Variants in PTPRZ1 observed in about 807,000 individuals in gnomAD.
PTPRZ1 encodes the protein protein tyrosine phosphatase receptor type Z1, also known as receptor-type tyrosine-protein phosphatase zeta.
A neutral mutation model predicts 214.1 loss-of-function variants in PTPRZ1; 82 were observed. The observed-to-expected ratio is 0.38, with a 90% CI of 0.32 to 0.46. The LOEUF is 0.46. PTPRZ1 is among the 20% of genes least tolerant of loss of function. PTPRZ1 has a pLI of 1.00. For synonymous variants in PTPRZ1, 945 were observed against 987.9 expected, an observed-to-expected ratio of 0.96 and a Z score of 0.81; for missense variants, 2,603 against 2,748.7, an observed-to-expected ratio of 0.95 and a Z score of 1.19.
At chr7:121,874,823 A>G (rs3801380) in intron 1 of PTPRZ1, among the ~76,000 whole-genome samples, 20,217 of 152,182 alleles carry the variant, frequency 0.13, 1,671 homozygotes, top group East Asian at 0.3. Context: ...AAAACCTTAT[A>G]GTCAGTTCTG....
intron 1 of PTPRZ1, among the ~76,000 whole-genome samples, chr7:121,900,245 G>T (rs1271059954): frequency 6.6e-6 from 1 of 152,146 alleles, no homozygotes; most frequent in Non-Finnish European, 1.5e-5. Context: ...ACGTGAACAA[G>T]GATCAAAGCC....
intron 12 of PTPRZ1, among the ~76,000 whole-genome samples, chr7:122,016,038 C>A (rs563956901): frequency 6.6e-6 from 1 of 151,978 alleles, no homozygotes; most frequent in South Asian, 2.1e-4. Context: ...TTCTAGAATG[C>A]AGAACAATTT....
In PTPRZ1 at chr7:122,061,116, C is replaced by A. The variant is rs746943265; in HGVS notation, c.6844C>A (p.Leu2282Ile). 6.2e-7 allele frequency: 1 copy of A among 1,611,134 alleles called. No homozygotes were observed. Among genetic ancestry groups the A allele is most frequent in the Admixed American group, 1.7e-5 (1 of 59,846 alleles). Residue 2282 changes from leucine (L) to isoleucine (I), a missense_variant, in exon 30 of 30, where the codon CTT (leucine) becomes ATT (isoleucine). Physicochemically the swap from Leu to Ile is conservative, Grantham distance 5 (BLOSUM62 2). Transcript: ENST00000393386. ...YQFLYKVILSLVSTRQEENPS... is the reference protein window; with the variant it reads ...YQFLYKVILSIVSTRQEENPS... The stretch of plus-strand genomic sequence containing the variant: ...GTTTCTCTACAAAGTGATCCTCAGC[C>A]TTGTGAGCACAAGGCAGGAAGAGAA...
At chr7:121,985,947 T>C (rs1797752796) in intron 8 of PTPRZ1, among the ~76,000 whole-genome samples, 2 of 152,236 alleles carry the variant, frequency 1.3e-5, no homozygotes, top group African/African-American at 4.8e-5. Context: ...AGTAAAGCTC[T>C]CTTTCACTAA....
At chr7:121,954,346 A>G (rs768870874) in intron 2 of PTPRZ1, among the ~76,000 whole-genome samples, 1 of 151,852 alleles carries the variant, frequency 6.6e-6, no homozygotes, top group Non-Finnish European at 1.5e-5. Context: ...CAGCCCCTCC[A>G]CTCACTGCCT....
At chr7:122,042,804 G>C in intron 22 of PTPRZ1, 61 bp downstream of exon 22, 1 of 1,532,582 alleles carries the variant, frequency 6.5e-7, no homozygotes, top group Non-Finnish European at 9.0e-7. Context: ...CTAAAATGTA[G>C]GTGTATTCAT....
At chr7:121,996,325 T>C (rs1207530514) in intron 8 of PTPRZ1, 57 bp from the exon 9 acceptor site, 1 of 1,246,908 alleles carries the variant, frequency 8.0e-7, no homozygotes, top group South Asian at 1.8e-5. Flanking sequence ...TATGTTTTAT[T>C]TATTCAAGTC....
intron 24 of PTPRZ1, 140 bp from the exon 25 acceptor site, chr7:122,051,726 A>G: frequency 3.4e-6 from 3 of 893,698 alleles, no homozygotes; most frequent in Non-Finnish European, 5.2e-6. Context: ...ATTAGCTTAC[A>G]GATCAGAGAC....
At chr7:121,981,647 T>C (rs1270189847) in intron 6 of PTPRZ1, among the ~76,000 whole-genome samples, 2 of 152,194 alleles carry the variant, frequency 1.3e-5, no homozygotes, top group African/African-American at 4.8e-5. Flanking sequence ...AGGAGACAGA[T>C]ATATTTGGAT....
intron 2 of PTPRZ1, among the ~76,000 whole-genome samples, chr7:121,953,917 T>C (rs1343748591): frequency 6.6e-6 from 1 of 152,198 alleles, no homozygotes; most frequent in Non-Finnish European, 1.5e-5. Context: ...GAGGAAATGA[T>C]GCTGTGGCTT....
At chr7:121,914,131 T>TG (rs1021107153) in intron 1 of PTPRZ1, among the ~76,000 whole-genome samples, 1 of 152,180 alleles carries the variant, frequency 6.6e-6, no homozygotes, top group Non-Finnish European at 1.5e-5. Flanking sequence ...CTGGGCAACA[T>TG]GGTGAAACCC....
chr7:121,937,409 CA>C (rs1211774652), intron 2 of PTPRZ1, among the ~76,000 whole-genome samples: 1 of 152,102 alleles, frequency 6.6e-6, no homozygotes, highest in Non-Finnish European at 1.5e-5. Context: ...AGCAGGTTCC[CA>C]GTTCATTGTG....
intron 1 of PTPRZ1, among the ~76,000 whole-genome samples, chr7:121,889,922 G>A (rs936754384): frequency 6.6e-6 from 1 of 152,112 alleles, no homozygotes; most frequent in African/African-American, 2.4e-5. Flanking sequence ...TGCCATACTT[G>A]TCTGGCTTTC....
chr7:121,964,469 G>A (rs777799825), intron 2 of PTPRZ1, among the ~76,000 whole-genome samples: 13 of 152,104 alleles, frequency 8.5e-5, no homozygotes, highest in Non-Finnish European at 1.2e-4. Context: ...CAGGATGGGG[G>A]AAACCGCCTC....
At chr7:122,042,121 T>C (rs1316647389) in intron 21 of PTPRZ1, among the ~76,000 whole-genome samples, 1 of 152,210 alleles carries the variant, frequency 6.6e-6, no homozygotes, top group Non-Finnish European at 1.5e-5. Context: ...ACTGAAATGA[T>C]ATTTTCAGCA....
chr7:121,955,170 C>T (rs1796665807), intron 2 of PTPRZ1, among the ~76,000 whole-genome samples: 1 of 152,240 alleles, frequency 6.6e-6, no homozygotes, highest in Non-Finnish European at 1.5e-5. Context: ...GAGCTGTAGT[C>T]ATGCCCCATA....
chr7:122,056,128 G>C (rs996489753), intron 27 of PTPRZ1, among the ~76,000 whole-genome samples: 7 of 151,752 alleles, frequency 4.6e-5, no homozygotes, highest in African/African-American at 1.7e-4. Context: ...GATCACTTTA[G>C]TAGCATCCAT....
chr7:121,916,182 G>A (rs966255507), intron 1 of PTPRZ1, among the ~76,000 whole-genome samples: 4 of 150,364 alleles, frequency 2.7e-5, no homozygotes, highest in Non-Finnish European at 5.9e-5. Flanking sequence ...TCCGAGGCAG[G>A]AGAATCACTT....
intron 1 of PTPRZ1, among the ~76,000 whole-genome samples, chr7:121,911,682 T>C (rs539575244): frequency 6.6e-6 from 1 of 152,164 alleles, no homozygotes; most frequent in South Asian, 2.1e-4. Context: ...GAAACTTAGA[T>C]GGGAGATAGG....
Sources: gnomAD v4.1 joint callset for allele counts (sites outside exome capture counted in the v4.1 genomes callset) on GRCh38, gnomAD v4.1.1 for gene constraint, MANE v1.5 for transcripts, NCBI Gene and HGNC (gene_info 2026-07-23, HGNC 2026-07-21) for gene names.